Variants in ARB2A observed in about 807,000 individuals in gnomAD.
The protein encoded by ARB2A is cotranscriptional regulator ARB2A.
chr5:93,815,793 C>T, the ARB2A span, among the ~76,000 whole-genome samples: 29 of 152,100 alleles, frequency 1.9e-4, no homozygotes, highest in African/African-American at 6.8e-4. Flanking sequence ...TTTGTTTGCT[C>T]GGTCATTACC....
the ARB2A span, among the ~76,000 whole-genome samples, chr5:94,086,018 A>G: frequency 6.6e-6 from 1 of 152,234 alleles, no homozygotes; most frequent in Non-Finnish European, 1.5e-5. Context: ...CCACTGGGAA[A>G]GAACAGAAGG....
At chr5:93,710,271 C>CTAAAAAACTATAA in the ARB2A span, among the ~76,000 whole-genome samples, 1 of 152,078 alleles carries the variant, frequency 6.6e-6, no homozygotes, top group African/African-American at 2.4e-5. Context: ...TTAGTTGCAA[C>CTAAAAAACTATAA]GGTTAAAATT....
the ARB2A span, among the ~76,000 whole-genome samples, chr5:93,843,327 G>A: frequency 2.6e-5 from 4 of 151,904 alleles, no homozygotes; most frequent in African/African-American, 9.7e-5. Context: ...TGAAAGAAAC[G>A]GAAGTTTTGC....
At chr5:93,701,813 AT>A in the ARB2A span, among the ~76,000 whole-genome samples, 1 of 152,124 alleles carries the variant, frequency 6.6e-6, no homozygotes, top group South Asian at 2.1e-4. Context: ...GGAATTTGCT[AT>A]TTTACTGGCT....
chr5:93,707,619 G>C, the ARB2A span, among the ~76,000 whole-genome samples: 12 of 144,512 alleles, frequency 8.3e-5, no homozygotes, highest in Non-Finnish European at 1.6e-4. Flanking sequence ...CTGTCACCCA[G>C]GCTGGAGTGC....
the ARB2A span, among the ~76,000 whole-genome samples, chr5:93,905,557 C>A: frequency 4.0e-5 from 6 of 151,654 alleles, no homozygotes; most frequent in African/African-American, 1.4e-4. Flanking sequence ...TAAGCCTAAT[C>A]TAGTTAGCTG....
chr5:93,929,949 A>C, the ARB2A span, among the ~76,000 whole-genome samples: 5 of 152,316 alleles, frequency 3.3e-5, no homozygotes, highest in East Asian at 9.6e-4. Context: ...GATCTTCACT[A>C]ATCAGCAGGG....
the ARB2A span, among the ~76,000 whole-genome samples, chr5:93,945,101 C>T: frequency 6.6e-6 from 1 of 152,332 alleles, no homozygotes; most frequent in African/African-American, 2.4e-5. Flanking sequence ...CATAATCTGA[C>T]ATGTGTGGCC....
chr5:93,851,315 GA>G, the ARB2A span, among the ~76,000 whole-genome samples: 1 of 152,034 alleles, frequency 6.6e-6, no homozygotes, highest in Non-Finnish European at 1.5e-5. Flanking sequence ...TTTTACAGAG[GA>G]AAAAACCTGG....
At chr5:93,694,720 C>G in the ARB2A span, among the ~76,000 whole-genome samples, 8 of 152,146 alleles carry the variant, frequency 5.3e-5, no homozygotes, top group African/African-American at 1.9e-4. Context: ...AAAAAGAGCT[C>G]ACATAGCCAA....
the ARB2A span, among the ~76,000 whole-genome samples, chr5:93,960,228 AT>A: frequency 2.0e-5 from 3 of 152,140 alleles, no homozygotes; most frequent in African/African-American, 7.2e-5. Flanking sequence ...TGGCTTAGGC[AT>A]TTGTGCAAAC....
At chr5:93,982,291 A>G in the ARB2A span, among the ~76,000 whole-genome samples, 2 of 152,164 alleles carry the variant, frequency 1.3e-5, no homozygotes, top group African/African-American at 2.4e-5. Flanking sequence ...ATGCACTCCT[A>G]TTTTCTACTA....
At chr5:93,733,202 TC>T in the ARB2A span, 1 of 148,010 alleles carries the variant, frequency 6.8e-6, no homozygotes. Context: ...TTCTTTTCTT[TC>T]CTTTTTTTTT....
At chr5:93,939,217 T>C in the ARB2A span, among the ~76,000 whole-genome samples, 1 of 152,180 alleles carries the variant, frequency 6.6e-6, no homozygotes, top group Non-Finnish European at 1.5e-5. Context: ...TTTTAACATA[T>C]ACACATATTT....
the ARB2A span, among the ~76,000 whole-genome samples, chr5:94,049,191 A>C: frequency 1.3e-5 from 2 of 152,192 alleles, no homozygotes; most frequent in African/African-American, 4.8e-5. Context: ...TCACTTTACC[A>C]AACTACTCAC....
At chr5:94,072,433 G>A in the ARB2A span, among the ~76,000 whole-genome samples, 1 of 151,996 alleles carries the variant, frequency 6.6e-6, no homozygotes, top group African/African-American at 2.4e-5. Context: ...TTAGTTAACA[G>A]TACTGTACCA....
At chr5:93,891,521 AACT>A in the ARB2A span, among the ~76,000 whole-genome samples, 1 of 152,108 alleles carries the variant, frequency 6.6e-6, no homozygotes, top group African/African-American at 2.4e-5. Flanking sequence ...TCATCAAAAA[AACT>A]ACAACACTTT....
chr5:94,065,696 T>C, the ARB2A span, among the ~76,000 whole-genome samples: 1 of 152,142 alleles, frequency 6.6e-6, no homozygotes, highest in Admixed American at 6.5e-5. Flanking sequence ...TAAACATATA[T>C]GCACTCAACA....
At chr5:93,694,867 G>T in the ARB2A span, among the ~76,000 whole-genome samples, 2 of 151,958 alleles carry the variant, frequency 1.3e-5, no homozygotes, top group Non-Finnish European at 2.9e-5. Flanking sequence ...CAGAACAGAG[G>T]CCTCAGAAAT....
Sources: gnomAD v4.1 joint callset for allele counts (sites outside exome capture counted in the v4.1 genomes callset) on GRCh38, gnomAD v4.1.1 for gene constraint, MANE v1.5 for transcripts, NCBI Gene and HGNC (gene_info 2026-07-23, HGNC 2026-07-21) for gene names.